GRB14: variants seen among roughly 807,000 people sequenced by gnomAD.
GRB14 encodes the protein growth factor receptor-bound protein 14.
Under a neutral mutation model 69.1 loss-of-function variants are expected in GRB14, and 38 were observed. That is an observed-to-expected ratio of 0.55 (90% CI 0.42 to 0.72). The LOEUF (loss-of-function observed/expected upper bound fraction) is 0.72, where lower values mean the gene tolerates loss of function less well. Among genes scored for constraint, GRB14 ranks in the 30% least tolerant of loss-of-function variants. GRB14 has a pLI of 0.00. For missense variants in GRB14, 666 were observed against 666.1 expected, an observed-to-expected ratio of 1.00 and a Z score of 0.00; for synonymous variants, 247 against 241.3, an observed-to-expected ratio of 1.02 and a Z score of -0.22.
At chr2:164,600,185 T>C (rs1259396769) in intron 2 of GRB14, among the ~76,000 whole-genome samples, 1 of 152,190 alleles carries the variant, frequency 6.6e-6, no homozygotes, top group African/African-American at 2.4e-5. Context: ...AGCGCCCCCC[T>C]GTGTGATCTA....
chr2:164,495,569 T>C (rs1285950862), intron 12 of GRB14, among the ~76,000 whole-genome samples: 1 of 152,208 alleles, frequency 6.6e-6, no homozygotes, highest in African/African-American at 2.4e-5. Flanking sequence ...ACCAGTTTTG[T>C]ATTAACTGCT....
intron 2 of GRB14, chr2:164,574,188 T>C (rs1689189850): frequency 3.4e-6 from 2 of 581,276 alleles, no homozygotes; most frequent in East Asian, 2.8e-5. Context: ...CCACTAGCCA[T>C]TTTTTCCCCT....
At chr2:164,591,471 T>G (rs973184633) in intron 2 of GRB14, among the ~76,000 whole-genome samples, 4 of 152,162 alleles carry the variant, frequency 2.6e-5, no homozygotes, top group Non-Finnish European at 5.9e-5. Flanking sequence ...AATAGTACTG[T>G]GTTCTTCAAT....
Position 164,494,507 on chromosome 2 carries a change from T to A in GRB14, c.1400A>T (p.Asp467Val), listed in dbSNP as rs754102027. The change falls in exon 13 of 14, where the codon GAT becomes GTT. Residue 467 changes from aspartate (D) to valine (V), a missense_variant. Asp to Val is a radical substitution (Grantham distance 152). Transcript: ENST00000263915. ...GLVDGVFLVR[D>V]SQSNPKTFVL... ...GAAAGTTTTGGGGTTACTCTGACTA[T>A]CCCGTACCAAGAAAACTCTAAAGAG... is the stretch of plus-strand genomic sequence containing the variant. 1 of 1,571,692 alleles carries A rather than the reference T, an allele frequency of 6.4e-7. No individual in the cohort carries two copies. Among genetic ancestry groups the A allele is most frequent in the Non-Finnish European group, 8.8e-7 (1 of 1,141,504 alleles).
chr2:164,538,018 G>A (rs1013364928), intron 3 of GRB14, among the ~76,000 whole-genome samples: 2 of 151,748 alleles, frequency 1.3e-5, no homozygotes, highest in Non-Finnish European at 2.9e-5. Context: ...AAAAAAGAGC[G>A]AAGGAGCAGC....
chr2:164,595,803 C>A (rs1293587678), intron 2 of GRB14, among the ~76,000 whole-genome samples: 1 of 152,062 alleles, frequency 6.6e-6, no homozygotes, highest in Non-Finnish European at 1.5e-5. Flanking sequence ...TGCAATAGTG[C>A]AGAAATAAGA....
intron 2 of GRB14, among the ~76,000 whole-genome samples, chr2:164,608,338 C>T (rs10930131): frequency 0.76 from 115,032 of 151,606 alleles, 44,289 homozygotes; most frequent in Admixed American, 0.82. Context: ...CCCACTGCAC[C>T]CCAGCCTGGG....
chr2:164,569,847 G>A (rs1689084258), intron 2 of GRB14, among the ~76,000 whole-genome samples: 1 of 152,100 alleles, frequency 6.6e-6, no homozygotes, highest in Admixed American at 6.5e-5. Flanking sequence ...GGTTTATCAT[G>A]ATCTTTTAAA....
intron 8 of GRB14, among the ~76,000 whole-genome samples, chr2:164,507,067 AGTTT>A (rs923850311): frequency 3.3e-5 from 5 of 152,224 alleles, no homozygotes; most frequent in Non-Finnish European, 7.3e-5. Context: ...CATTAACAAT[AGTTT>A]GATTAATTTT....
intron 3 of GRB14, among the ~76,000 whole-genome samples, chr2:164,540,709 C>T (rs181253264): frequency 9.9e-5 from 15 of 152,176 alleles, no homozygotes; most frequent in African/African-American, 3.4e-4. Context: ...TCATCCTCTA[C>T]GGGATAACAA....
In GRB14 at chr2:164,621,289, A is replaced by G; in HGVS notation, c.21T>C (p.Asp7=). The G allele has an allele frequency of 7.8e-7, 1 of 1,286,762 alleles. No individual in the cohort carries two copies. The allele number at this position is 1,286,762 out of a possible 1,614,324, so 79.7% of individuals were successfully genotyped here. A position where few individuals can be genotyped will look rare whatever the true frequency, so the allele number is the denominator to read the frequency against. Residue 7 remains aspartate (D), a synonymous_variant, in exon 1 of 14, where the codon GAT becomes GAC. Transcript: ENST00000263915. This position sits in a 1 kb window ranked among gnomAD's most constrained non-coding sequence, Gnocchi z 6.0. MTTSLQ[D]GQSAASRAAA... is the part of the protein sequence containing the mutation. ...CCGCCCTGCTCGCGGCGCTCTGCCC[A>G]TCTTGCAGGGAAGTGGTCATTGTCG...
intron 2 of GRB14, among the ~76,000 whole-genome samples, chr2:164,596,426 A>G (rs1574343499): frequency 6.6e-6 from 1 of 152,246 alleles, no homozygotes; most frequent in Non-Finnish European, 1.5e-5. Context: ...ACAAGTAATT[A>G]TCCCTCAAGT....
At chr2:164,532,699 C>T (rs756534488) in intron 3 of GRB14, among the ~76,000 whole-genome samples, 19 of 152,052 alleles carry the variant, frequency 1.2e-4, no homozygotes, top group Non-Finnish European at 2.6e-4. Flanking sequence ...GTGGAATCTC[C>T]CTAAGGTTCT....
chr2:164,620,074 C>T, intron 1 of GRB14: 1 of 73,820 alleles, frequency 1.4e-5, no homozygotes, highest in Non-Finnish European at 2.7e-5. Context: ...CCTCCCACCA[C>T]CCCTCCCCCC....
chr2:164,519,541 T>C (rs1458057770), intron 6 of GRB14, among the ~76,000 whole-genome samples: 1 of 152,020 alleles, frequency 6.6e-6, no homozygotes, highest in African/African-American at 2.4e-5. Context: ...ATAAAGGGCA[T>C]CTAAACTGGT....
chr2:164,494,625 G>A, intron 12 of GRB14, 101 bp from the exon 13 acceptor site: 1 of 755,916 alleles, frequency 1.3e-6, no homozygotes, highest in Non-Finnish European at 2.4e-6. Context: ...AAATGTAGCT[G>A]GGGACTCCTT....
intron 5 of GRB14, among the ~76,000 whole-genome samples, chr2:164,523,160 C>T (rs1687678210): frequency 6.6e-6 from 1 of 152,038 alleles, no homozygotes; most frequent in Admixed American, 6.6e-5. Flanking sequence ...CTTCAATCCC[C>T]AGCACTGAGT....
intron 3 of GRB14, among the ~76,000 whole-genome samples, chr2:164,529,466 T>C (rs565614002): frequency 6.6e-6 from 1 of 152,314 alleles, no homozygotes; most frequent in Non-Finnish European, 1.5e-5. Flanking sequence ...ATTTTTCCCT[T>C]TCAAATGACT....
intron 2 of GRB14, among the ~76,000 whole-genome samples, chr2:164,566,086 A>G (rs555737291): frequency 2.0e-5 from 3 of 152,294 alleles, no homozygotes; most frequent in African/African-American, 4.8e-5. Context: ...TTTACACCAA[A>G]CCTGTGGAAA....
Sources: gnomAD v4.1 joint callset for allele counts (sites outside exome capture counted in the v4.1 genomes callset) on GRCh38, gnomAD v4.1.1 for gene constraint, Gnocchi (gnomAD v3.1) non-coding constraint, MANE v1.5 for transcripts, NCBI Gene and HGNC (gene_info 2026-07-23, HGNC 2026-07-21) for gene names.